Variants in UGT1A5 observed in about 807,000 individuals in gnomAD.
The protein encoded by UGT1A5 is UDP-glucuronosyltransferase 1A5.
UGT1A5 carries 29 observed loss-of-function variants against 40.3 expected under a neutral mutation model. That is an observed-to-expected ratio of 0.72 (90% confidence interval 0.54 to 0.98). The LOEUF (loss-of-function observed/expected upper bound fraction) is 0.98. UGT1A5 is among the 50% of genes least tolerant of loss of function. The pLI is 0.00. For synonymous variants in UGT1A5, 257 were observed against 262.5 expected, an observed-to-expected ratio of 0.98 and a Z score of 0.20; for missense variants, 678 against 677.9, an observed-to-expected ratio of 1.00 and a Z score of 0.00.
chr2:233,716,287 C>T (rs1299471224), intron 1 of UGT1A5, among the ~76,000 whole-genome samples: 1 of 152,202 alleles, frequency 6.6e-6, no homozygotes, highest in African/African-American at 2.4e-5. Context: ...TTAATATAAT[C>T]ACATCTATAA....
chr2:233,756,609 A>G (rs1242342387), intron 1 of UGT1A5, among the ~76,000 whole-genome samples: 4 of 152,200 alleles, frequency 2.6e-5, no homozygotes, highest in Admixed American at 2.0e-4. Flanking sequence ...CGAAACCATT[A>G]AGACTTGCAG....
At chr2:233,719,184 T>C in intron 1 of UGT1A5, 1 of 1,614,254 alleles carries the variant, frequency 6.2e-7, no homozygotes, top group Non-Finnish European at 8.5e-7. Flanking sequence ...CAATGTATCT[T>C]TGGCCCTTCA....
At chr2:233,736,043 T>C (rs984870391) in intron 1 of UGT1A5, among the ~76,000 whole-genome samples, 7 of 152,202 alleles carry the variant, frequency 4.6e-5, no homozygotes, top group South Asian at 2.1e-4. Context: ...TTTCCTGAAT[T>C]TGAATGTTGG....
At chr2:233,718,925 C>T (rs752437022) in intron 1 of UGT1A5, 5 of 1,614,078 alleles carry the variant, frequency 3.1e-6, no homozygotes, top group Middle Eastern at 1.7e-4. Context: ...TGGTGGTGCC[C>T]ACTGATGGCA....
chr2:233,733,620 A>G lies in UGT1A5; in HGVS notation c.867+19762A>G, dbSNP rs138642238. ...TGATGGATTACATTTATTGATTTGC[A>G]TATGTTGAACCAGCCTTGCATCCCA... On this transcript the variant is annotated intron_variant, in intron 1 of 4. Coordinates refer to ENST00000373414, the MANE Select transcript of UGT1A5 (RefSeq NM_019078.2). 5.8e-3 allele frequency among the ~76,000 whole-genome samples: 878 copies of G among 152,316 alleles called. 10 individuals are homozygous for G. Among genetic ancestry groups the G allele is most frequent in the African/African-American group, 0.02 (842 of 41,576 alleles).
chr2:233,722,361 T>C (rs28898615), intron 1 of UGT1A5, among the ~76,000 whole-genome samples: 12,155 of 152,314 alleles, frequency 0.08, 624 homozygotes, highest in East Asian at 0.2. Flanking sequence ...TATACAAGAC[T>C]AAAGTTGAAA....
At chr2:233,721,017 C>T (rs1165667415) in intron 1 of UGT1A5, among the ~76,000 whole-genome samples, 3 of 151,958 alleles carry the variant, frequency 2.0e-5, no homozygotes, top group Admixed American at 6.6e-5. Flanking sequence ...AGTGAGGGAG[C>T]CATCTTTCTT....
At chr2:233,727,382 C>T (rs1283832828) in intron 1 of UGT1A5, among the ~76,000 whole-genome samples, 4 of 152,134 alleles carry the variant, frequency 2.6e-5, no homozygotes, top group African/African-American at 7.2e-5. Context: ...TCTGGAGTAC[C>T]ACCGTCTTCC....
chr2:233,723,457 G>A (rs1279798549), intron 1 of UGT1A5, among the ~76,000 whole-genome samples: 3 of 136,216 alleles, frequency 2.2e-5, no homozygotes, highest in African/African-American at 5.8e-5. Context: ...TGATCCACCC[G>A]CCTCAGCCTC....
At chr2:233,730,541 T>A (rs1015263117) in intron 1 of UGT1A5, among the ~76,000 whole-genome samples, 1 of 152,098 alleles carries the variant, frequency 6.6e-6, no homozygotes, top group African/African-American at 2.4e-5. Context: ...TTGGGATGGA[T>A]GTCTGTGATT....
rs564101757 is a variant in UGT1A5, at chr2:233,734,503, C to G, written c.867+20645C>G. On this transcript the variant is annotated intron_variant, in intron 1 of 4. Transcript: ENST00000373414. ...GATTTTTTTGAAGGTTTTTTTGTGTCTCTATCTCTTTCAGTTCTGCTCTGA... is the reference window on the plus strand; with the variant it reads ...GATTTTTTTGAAGGTTTTTTTGTGTGTCTATCTCTTTCAGTTCTGCTCTGA... Among the ~76,000 whole-genome samples the G allele has an allele frequency of 2.0e-5, 3 of 152,124 alleles. No homozygotes were observed. The South Asian group carries it at 6.2e-4, about 32-fold the overall frequency.
At position 233,729,652 on chromosome 2, in the gene UGT1A5, A is replaced by G. The variant is rs573544269; in HGVS notation, c.867+15794A>G. On this transcript the variant is annotated intron_variant, in intron 1 of 4. Transcript: ENST00000373414. ...TCCTACTGTGTTTTTTTTGAGGAAC[A>G]TTCCATGTGATTTAGACTTTAAGGG... 5 of 1,613,890 alleles carry G rather than the reference A, an allele frequency of 3.1e-6. No individual in the cohort carries two copies. The African/African-American group carries it at 6.7e-5, about 22-fold the overall frequency.
intron 1 of UGT1A5, among the ~76,000 whole-genome samples, chr2:233,751,496 T>G (rs189001401): frequency 2.2e-4 from 34 of 152,268 alleles, no homozygotes; most frequent in African/African-American, 7.9e-4. Context: ...GACATGAGAT[T>G]TGGGAGGGGC....
At chr2:233,733,104 CTGTT>C (rs892202373) in intron 1 of UGT1A5, among the ~76,000 whole-genome samples, 2 of 152,132 alleles carry the variant, frequency 1.3e-5, no homozygotes, top group African/African-American at 4.8e-5. Context: ...TGGTTTGGCT[CTGTT>C]TGTCTGTTAT....
chr2:233,743,956 G>T (rs184316279), intron 1 of UGT1A5: 2 of 1,338,248 alleles, frequency 1.5e-6, no homozygotes, highest in Non-Finnish European at 9.9e-7. Flanking sequence ...CTGGCACAGC[G>T]AGCGGCAAGG....
chr2:233,769,849 C>A lies in UGT1A5; in HGVS notation c.1307+1410C>A, dbSNP rs1159124687. ...CAGCAACCTGGGCAACAGAGTGAGA[C>A]CCTGTCTCAAAAAAAAAAAAAAAAA... On this transcript the variant is annotated intron_variant, in intron 4 of 4. Transcript: ENST00000373414. The surrounding 1 kb of genome is among the most constrained non-coding windows in gnomAD (Gnocchi z 4.4). 1 of 524,548 alleles carries A rather than the reference C, an allele frequency of 1.9e-6. No homozygotes were observed. The highest frequency in any genetic ancestry group is 3.0e-6 in the Non-Finnish European group (1 of 331,924). The allele number at this position is 524,548 out of a possible 1,614,324, so 32.5% of individuals were successfully genotyped here.
chr2:233,757,798 G>T (rs1696723883), intron 1 of UGT1A5, among the ~76,000 whole-genome samples: 1 of 151,794 alleles, frequency 6.6e-6, no homozygotes, highest in Non-Finnish European at 1.5e-5. Flanking sequence ...TTGATGAAAG[G>T]AGATGAAAGG....
Position 233,737,223 on chromosome 2 carries a change from T to G in UGT1A5, c.867+23365T>G, listed in dbSNP as rs929456568. ...GCGGTGGACTCTGTTCAGTTCCAGC[T>G]TCCTGGATGCTTTGTTTACCTACTC... On this transcript the variant is annotated intron_variant, in intron 1 of 4. Transcript: ENST00000373414. Among the ~76,000 whole-genome samples, 4 of 152,236 alleles carry G rather than the reference T, an allele frequency of 2.6e-5. No homozygotes were observed. In the East Asian group the frequency reaches 7.7e-4, roughly 29 times the overall value.
chr2:233,733,407 C>T (rs906302145), intron 1 of UGT1A5, among the ~76,000 whole-genome samples: 4 of 152,152 alleles, frequency 2.6e-5, no homozygotes, highest in African/African-American at 9.7e-5. Flanking sequence ...GGGAATGCTT[C>T]CAGTTTTCGC....
Sources: allele counts gnomAD v4.1 joint callset (sites outside exome capture counted in the v4.1 genomes callset), GRCh38; gene constraint gnomAD v4.1.1; non-coding constraint Gnocchi (gnomAD v3.1); transcripts MANE v1.5; gene names NCBI Gene and HGNC (gene_info 2026-07-23, HGNC 2026-07-21).